Variants in GRAMD4 observed in about 807,000 individuals in gnomAD.
GRAMD4 encodes the protein GRAM domain-containing protein 4.
Under a neutral mutation model 83.9 loss-of-function variants are expected in GRAMD4, and 25 were observed. The ratio of observed to expected loss-of-function variants is 0.30; its 90% confidence interval spans 0.22 to 0.42. GRAMD4 has a LOEUF of 0.42. Among genes scored for constraint, GRAMD4 ranks in the 10% least tolerant of loss-of-function variants. The probability of loss-of-function intolerance (pLI) is 1.00; values close to 1 mark genes in which losing one functional copy is unlikely to be tolerated. For missense variants in GRAMD4, 593 were observed against 788.7 expected, an observed-to-expected ratio of 0.75 and a Z score of 2.97; for synonymous variants, 336 against 320.9, an observed-to-expected ratio of 1.05 and a Z score of -0.50.
chr22:46,627,013 T>A, intron 2 of GRAMD4, 52 bp downstream of exon 2: 1 of 1,351,126 alleles, frequency 7.4e-7, no homozygotes, highest in Non-Finnish European at 1.1e-6. Context: ...GTCCCCGTCC[T>A]CTGTGGCCGG....
intron 10 of GRAMD4, among the ~76,000 whole-genome samples, chr22:46,667,611 C>T (rs565643770): frequency 2.6e-5 from 4 of 152,348 alleles, no homozygotes; most frequent in South Asian, 2.1e-4. Flanking sequence ...GGTGCCTCCA[C>T]GGGCCTAGTT....
chr22:46,619,048 C>G (rs1170581430), upstream of GRAMD4, among the ~76,000 whole-genome samples: 1 of 152,246 alleles, frequency 6.6e-6, no homozygotes, highest in East Asian at 1.9e-4. Flanking sequence ...GGCCGCCTGA[C>G]TGTGCCCAGC....
At chr22:46,591,075 A>AG (rs1555952161) in intron 1 of GRAMD4, among the ~76,000 whole-genome samples, 13,323 of 149,930 alleles carry the variant, frequency 0.089, 724 homozygotes, top group East Asian at 0.27. Context: ...AAAAAGAAAA[A>AG]AAAACAAACA....
chr22:46,629,177 C>T (rs759722517), intron 2 of GRAMD4, among the ~76,000 whole-genome samples: 1 of 152,094 alleles, frequency 6.6e-6, no homozygotes, highest in African/African-American at 2.4e-5. Flanking sequence ...CTTGGGGCAT[C>T]GTGCTGAATG....
intron 1 of GRAMD4, among the ~76,000 whole-genome samples, chr22:46,596,023 G>A (rs1056012930): frequency 3.9e-5 from 6 of 152,260 alleles, no homozygotes; most frequent in African/African-American, 1.4e-4. Flanking sequence ...TGCTGGAAGC[G>A]TTGCTTCAGT....
At chr22:46,648,061 T>A (rs957630850) in intron 3 of GRAMD4, among the ~76,000 whole-genome samples, 6 of 152,198 alleles carry the variant, frequency 3.9e-5, no homozygotes, top group African/African-American at 1.4e-4. Context: ...ACTTTATGTG[T>A]GTCTATATGG....
chr22:46,681,425 C>T (rs957084561), downstream of GRAMD4, among the ~76,000 whole-genome samples: 7 of 152,260 alleles, frequency 4.6e-5, no homozygotes, highest in African/African-American at 1.7e-4. Flanking sequence ...ATAACTATTT[C>T]AGTGCAGCTG....
intron 1 of GRAMD4, among the ~76,000 whole-genome samples, chr22:46,625,992 C>T (rs1396652984): frequency 6.6e-6 from 1 of 152,262 alleles, no homozygotes; most frequent in East Asian, 1.9e-4. Context: ...GGAGGCCCAG[C>T]TGGCCATGGG....
rs553011725 is a variant in GRAMD4 at position 46,579,379 on chromosome 22, T to C, written c.-50+2089T>C. ...GGAGGAGAATCAGAGCCGGTTTTCCTGAATCACCATTTCTGCTGTAGAATA... is the reference window on the plus strand; with the variant it reads ...GGAGGAGAATCAGAGCCGGTTTTCCCGAATCACCATTTCTGCTGTAGAATA... On this transcript the variant is annotated intron_variant, in intron 1 of 1. Transcript: ENST00000431155. Among the ~76,000 whole-genome samples, 7 of 152,368 alleles carry C rather than the reference T, an allele frequency of 4.6e-5. No homozygotes were observed. In the East Asian group the frequency reaches 1.3e-3, roughly 29 times the overall value.
intron 1 of GRAMD4, among the ~76,000 whole-genome samples, chr22:46,591,131 A>G (rs572563532): frequency 4.7e-4 from 72 of 152,320 alleles, no homozygotes; most frequent in Middle Eastern, 3.4e-3. Context: ...GAATGGCCTA[A>G]GGTGGGAAAC....
At position 46,675,509 on chromosome 22, in the gene GRAMD4, G is replaced by A. The variant is rs2082583662; in HGVS notation, c.1520G>A (p.Arg507Lys). Residue 507 changes from arginine to lysine, a missense_variant, in exon 17 of 19, where the codon AGG becomes AAG. Transcript: ENST00000406902. ...AGCTCCAAATCTGGGTCCTCAAAGA[G>A]GAACAAAGTCATCAAGCTAGTGGAC... ...FESSKSGSSK[R>K]NKVIKLVDIT... The A allele has an allele frequency of 1.9e-6, 3 of 1,613,436 alleles. No homozygotes were observed. The highest frequency in any genetic ancestry group is 2.5e-6 in the Non-Finnish European group (3 of 1,179,686).
intron 16 of GRAMD4, among the ~76,000 whole-genome samples, chr22:46,675,090 G>C (rs2082574477): frequency 6.6e-6 from 1 of 152,238 alleles, no homozygotes; most frequent in African/African-American, 2.4e-5. Context: ...GTTGCCCTGA[G>C]TGCCTCATGC....
downstream of GRAMD4, among the ~76,000 whole-genome samples, chr22:46,680,584 A>ACCCACCCACCCACCCAT (rs1569313383): frequency 3.1e-3 from 444 of 141,674 alleles, 7 homozygotes; most frequent in Non-Finnish European, 4.7e-3. Context: ...CCATCCATCC[A>ACCCACCCACCCACCCAT]TCCATCCATC....
intron 5 of GRAMD4, among the ~76,000 whole-genome samples, 164 bp from the exon 6 acceptor site, chr22:46,662,876 G>C (rs1164650717): frequency 1.3e-5 from 2 of 152,168 alleles, no homozygotes; most frequent in Non-Finnish European, 2.9e-5. Flanking sequence ...AAAGTCCCTT[G>C]TACAGGGACC....
intron 1 of GRAMD4, among the ~76,000 whole-genome samples, chr22:46,601,607 G>A (rs1480019597): frequency 6.6e-6 from 1 of 151,936 alleles, no homozygotes; most frequent in African/African-American, 2.4e-5. Flanking sequence ...GACCAGTCTG[G>A]CAACACGGTG....
chr22:46,621,720 G>A lies in GRAMD4; in HGVS notation c.-50+1155G>A, dbSNP rs1383858140. On this transcript the variant is annotated intron_variant, in intron 1 of 18. Transcript: ENST00000406902. This position sits in a 1 kb window ranked among gnomAD's most constrained non-coding sequence, Gnocchi z 5.8. ...GGCGTAGCCCGGGCCCGTCCCTGGC[G>A]CTGTGTCGCGGAGGGCACCCCTACC... is the stretch of plus-strand genomic sequence containing the variant. Among the ~76,000 whole-genome samples, 4 of 145,632 alleles carry A rather than the reference G, an allele frequency of 2.7e-5. No homozygotes were observed. The highest frequency in any genetic ancestry group is 7.8e-5 in the African/African-American group (3 of 38,668).
chr22:46,671,619 G>A (rs376987659), intron 13 of GRAMD4, among the ~76,000 whole-genome samples: 168 of 152,152 alleles, frequency 1.1e-3, no homozygotes, highest in African/African-American at 3.8e-3. Flanking sequence ...TCATGTTGCT[G>A]CACTCCTGCC....
At chr22:46,642,651 C>A (rs2081989137) in intron 3 of GRAMD4, among the ~76,000 whole-genome samples, 1 of 152,256 alleles carries the variant, frequency 6.6e-6, no homozygotes, top group East Asian at 1.9e-4. Flanking sequence ...TTGACAGTCA[C>A]TGGCAAGACT....
chr22:46,633,166 A>T (rs939618547), intron 2 of GRAMD4, among the ~76,000 whole-genome samples: 1 of 152,134 alleles, frequency 6.6e-6, no homozygotes, highest in Non-Finnish European at 1.5e-5. Context: ...CCCCGAAAGT[A>T]TGCCACAGCC....
Sources: gnomAD v4.1 joint callset for allele counts (sites outside exome capture counted in the v4.1 genomes callset) on GRCh38, gnomAD v4.1.1 for gene constraint, Gnocchi (gnomAD v3.1) non-coding constraint, MANE v1.5 for transcripts, NCBI Gene and HGNC (gene_info 2026-07-23, HGNC 2026-07-21) for gene names.